Variants in METTL15 observed in about 807,000 individuals in gnomAD.
The protein encoded by METTL15 is methyltransferase 15, mitochondrial 12S rRNA N4-cytidine, also known as 12S rRNA N(4)-cytidine methyltransferase METTL15.
METTL15 carries 34 observed loss-of-function variants against 38.3 expected under a neutral mutation model. The ratio of observed to expected loss-of-function variants is 0.89; its 90% confidence interval spans 0.68 to 1.18. The LOEUF (loss-of-function observed/expected upper bound fraction) is 1.18. Among genes scored for constraint, METTL15 ranks in the 50% most tolerant of loss-of-function variants. The probability of loss-of-function intolerance (pLI) is 0.00; values close to 1 mark genes in which losing one functional copy is unlikely to be tolerated. For synonymous variants in METTL15, 162 were observed against 170.9 expected, an observed-to-expected ratio of 0.95 and a Z score of 0.41; for missense variants, 438 against 498.4, an observed-to-expected ratio of 0.88 and a Z score of 1.15.
chr11:28,349,592 AT>A (rs1850025066), intron 3 of METTL15, among the ~76,000 whole-genome samples: 1 of 152,216 alleles, frequency 6.6e-6, no homozygotes, highest in African/African-American at 2.4e-5. Flanking sequence ...ATTTGCTTTA[AT>A]TGTGAGTATG....
intron 3 of METTL15, among the ~76,000 whole-genome samples, chr11:28,124,657 T>C (rs1316446543): frequency 6.6e-6 from 1 of 152,082 alleles, no homozygotes; most frequent in African/African-American, 2.4e-5. Context: ...GGAGTGTTAA[T>C]ACTAAAAAGG....
chr11:28,444,440 C>T (rs552926634), intron 6 of METTL15, among the ~76,000 whole-genome samples: 1 of 152,102 alleles, frequency 6.6e-6, no homozygotes, highest in Admixed American at 6.6e-5. Context: ...AACTATATTA[C>T]ATAAATTAGT....
At chr11:28,220,692 G>C (rs1853165356) in intron 4 of METTL15, among the ~76,000 whole-genome samples, 1 of 152,156 alleles carries the variant, frequency 6.6e-6, no homozygotes, top group African/African-American at 2.4e-5. Flanking sequence ...TTTTGCAGTG[G>C]CTGGTACCGG....
At chr11:28,432,053 A>G (rs1031127354) in intron 6 of METTL15, among the ~76,000 whole-genome samples, 3 of 152,170 alleles carry the variant, frequency 2.0e-5, no homozygotes, top group African/African-American at 7.2e-5. Context: ...AAAGACTTCA[A>G]CTTTCCACTG....
At chr11:28,388,848 C>G (rs1440901768) in intron 5 of METTL15, among the ~76,000 whole-genome samples, 1 of 151,930 alleles carries the variant, frequency 6.6e-6, no homozygotes, top group African/African-American at 2.4e-5. Flanking sequence ...CACCCCACAA[C>G]AGGCCCCGGT....
In METTL15 at chr11:28,243,208, G is replaced by A. The variant is rs559554156; in HGVS notation, c.407+32010G>A. Among the ~76,000 whole-genome samples the A allele has an allele frequency of 5.3e-5, 8 of 152,196 alleles. No homozygotes were observed. The South Asian group carries it at 1.0e-3, about 20-fold the overall frequency. On this transcript the variant is annotated intron_variant, in intron 4 of 6. Coordinates refer to ENST00000407364, the MANE Select transcript of METTL15 (RefSeq NM_001113528.2). ...TAAAATAATATGGAAACTTGTTGCC[G>A]TCATTGATGTAAGTTTAACAGTCTC...
chr11:28,446,736 A>T (rs1851078432), intron 6 of METTL15, among the ~76,000 whole-genome samples: 1 of 152,124 alleles, frequency 6.6e-6, no homozygotes, highest in Admixed American at 6.5e-5. Context: ...CTTTTTTGTT[A>T]TAAAATAATG....
chr11:28,499,719 A>G (rs1419264765), intron 6 of METTL15, among the ~76,000 whole-genome samples: 1 of 151,782 alleles, frequency 6.6e-6, no homozygotes, highest in Non-Finnish European at 1.5e-5. Flanking sequence ...GATCACAAAA[A>G]AAGACACTGT....
At chr11:28,205,160 G>C (rs1294028044) in intron 3 of METTL15, among the ~76,000 whole-genome samples, 2 of 151,482 alleles carry the variant, frequency 1.3e-5, no homozygotes, top group Non-Finnish European at 2.9e-5. Context: ...CAATGTGCAG[G>C]TTAGTTACAT....
chr11:28,208,756 T>G (rs1852486357), intron 3 of METTL15, among the ~76,000 whole-genome samples: 1 of 151,974 alleles, frequency 6.6e-6, no homozygotes, highest in Non-Finnish European at 1.5e-5. Flanking sequence ...TATTTGCAAC[T>G]CCTACAGATT....
Position 28,524,432 on chromosome 11 carries a change from T to C in METTL15, c.*425-2046T>C, listed in dbSNP as rs147641098. Among the ~76,000 whole-genome samples the C allele has an allele frequency of 4.4e-3, 667 of 152,336 alleles. 4 individuals are homozygous for C. The highest frequency in any genetic ancestry group is 6.1e-3 in the Non-Finnish European group (414 of 68,018). Reference sequence around the variant, plus strand: ...ACCTAAATTGGGCTTGATAATTTTATCTGGGAAATAATCTTGGGCATAGTC... The same window carrying C: ...ACCTAAATTGGGCTTGATAATTTTACCTGGGAAATAATCTTGGGCATAGTC... On this transcript the variant is annotated intron_variant and NMD_transcript_variant, in intron 6 of 7. Transcript: ENST00000532947.
chr11:28,150,118 G>C (rs116286234), intron 3 of METTL15, among the ~76,000 whole-genome samples: 1 of 151,894 alleles, frequency 6.6e-6, no homozygotes, highest in African/African-American at 2.4e-5. Flanking sequence ...GGTTTAATCA[G>C]TTCTTATCCA....
At chr11:28,184,144 C>T (rs1349925768) in intron 3 of METTL15, among the ~76,000 whole-genome samples, 1 of 151,936 alleles carries the variant, frequency 6.6e-6, no homozygotes. Flanking sequence ...TGATTCTTCT[C>T]TCTTTTCTTC....
chr11:28,290,485 T>G, intron 5 of METTL15, 88 bp downstream of exon 5: 1 of 1,207,242 alleles, frequency 8.3e-7, no homozygotes, highest in South Asian at 1.5e-5. Flanking sequence ...ACTACAGAAT[T>G]TCCATTACAT....
intron 5 of METTL15, among the ~76,000 whole-genome samples, chr11:28,420,202 A>G (rs1208979262): frequency 1.3e-5 from 2 of 152,194 alleles, no homozygotes; most frequent in African/African-American, 4.8e-5. Flanking sequence ...CCAACACTGG[A>G]ACACCCAGAT....
chr11:28,200,550 A>G (rs1852073180), intron 3 of METTL15, among the ~76,000 whole-genome samples: 1 of 152,168 alleles, frequency 6.6e-6, no homozygotes, highest in Admixed American at 6.6e-5. Context: ...GGAAGCCTTC[A>G]GGTCATCACT....
At chr11:28,285,777 C>A (rs1856236184) in intron 4 of METTL15, among the ~76,000 whole-genome samples, 1 of 152,112 alleles carries the variant, frequency 6.6e-6, no homozygotes, top group South Asian at 2.1e-4. Context: ...TGTGCTGCTT[C>A]TTTCATATCA....
chr11:28,251,673 A>G (rs112985845), intron 4 of METTL15, among the ~76,000 whole-genome samples: 4 of 151,958 alleles, frequency 2.6e-5, no homozygotes, highest in African/African-American at 9.6e-5. Context: ...GGCTTCCATA[A>G]CTCTCTGAAT....
intron 4 of METTL15, among the ~76,000 whole-genome samples, chr11:28,268,196 C>CAAAAAAAAA (rs71050954): frequency 3.1e-5 from 2 of 64,152 alleles, no homozygotes; most frequent in Non-Finnish European, 5.1e-5. Context: ...GACTCCGTCT[C>CAAAAAAAAA]AAAAAAAAAA....
Sources: allele counts gnomAD v4.1 joint callset (sites outside exome capture counted in the v4.1 genomes callset), GRCh38; gene constraint gnomAD v4.1.1; transcripts MANE v1.5; gene names NCBI Gene and HGNC (gene_info 2026-07-23, HGNC 2026-07-21).